OTC: variants seen among roughly 807,000 people sequenced by gnomAD.
OTC encodes the protein ornithine transcarbamylase, mitochondrial.
In OTC, 3 loss-of-function variants were observed where a neutral mutation model predicts 30.3. That is an observed-to-expected ratio of 0.10 (90% CI 0.05 to 0.26). The LOEUF (loss-of-function observed/expected upper bound fraction) is 0.26. Among genes scored for constraint, OTC ranks in the 10% least tolerant of loss-of-function variants. OTC has a pLI of 1.00. For synonymous variants in OTC, 111 were observed against 99.7 expected (o/e 1.11, Z -0.67); for missense variants, 194 against 260.3 (o/e 0.75, Z 1.75).
chrX:38,359,105 G>A (rs1442393014), intron 1 of OTC, among the ~76,000 whole-genome samples: 2 of 111,862 alleles, frequency 1.8e-5, no homozygotes, highest in Non-Finnish European at 3.8e-5. Context: ...CACTATTACT[G>A]TACTTCCATT....
At chrX:38,340,138 C>T in the OTC span, among the ~76,000 whole-genome samples, 4 of 111,535 alleles carry the variant, frequency 3.6e-5, no homozygotes, top group Non-Finnish European at 1.9e-5. Context: ...AATTGTGAAA[C>T]ACTATTGTAT....
intron 1 of OTC, 114 bp from the exon 2 acceptor site, chrX:38,367,177 A>T: frequency 1.8e-6 from 1 of 568,195 alleles, no homozygotes; most frequent in Non-Finnish European, 2.7e-6. Context: ...CCTGTCTCAA[A>T]AAAAAAAAAA....
chrX:38,329,373 G>A, the OTC span, among the ~76,000 whole-genome samples: 1 of 111,744 alleles, frequency 8.9e-6, no homozygotes, highest in African/African-American at 3.3e-5. Context: ...CGTATTTGAG[G>A]AATGACTGGG....
chrX:38,403,762 A>G, intron 6 of OTC, 22 bp downstream of exon 6: 1 of 1,205,162 alleles, frequency 8.3e-7, no homozygotes, highest in Non-Finnish European at 1.1e-6. Context: ...TTTTGCCTTG[A>G]AACTAACCCC....
chrX:38,352,750 C>A lies in OTC; in HGVS notation c.54C>A (p.His18Gln), dbSNP rs2147315516. ...ACAATGCAGCTTTTAGAAATGGTCA[C>A]AACTTCATGGTTCGAAATTTTCGGT... The part of the protein sequence containing the change: ...LLNNAAFRNG[H>Q]NFMVRNFRCG... Residue 18 changes from histidine to glutamine, a missense_variant, in exon 1 of 10, where the codon CAC becomes CAA. Coordinates refer to ENST00000039007, the MANE Select transcript of OTC (RefSeq NM_000531.6). 1 of 1,207,018 alleles carries A rather than the reference C, an allele frequency of 8.3e-7. No individual in the cohort carries two copies. The highest frequency in any genetic ancestry group is 1.1e-6 in the Non-Finnish European group (1 of 891,105).
At chrX:38,408,658 G>A (rs2068527458) in intron 6 of OTC, 84 bp from the exon 7 acceptor site, 1 of 624,608 alleles carries the variant, frequency 1.6e-6, no homozygotes, top group Non-Finnish European at 2.5e-6. Flanking sequence ...AAGGAGACGC[G>A]ATATTGAAAA....
At chrX:38,418,950 T>C (rs2068582480) in intron 9 of OTC, among the ~76,000 whole-genome samples, 3 of 112,141 alleles carry the variant, frequency 2.7e-5, no homozygotes, top group Admixed American at 1.9e-4. Flanking sequence ...ATGTTTTCTT[T>C]TAGTAGTGTT....
At chrX:38,367,796 C>T (rs2068304465) in intron 2 of OTC, among the ~76,000 whole-genome samples, 1 of 110,371 alleles carries the variant, frequency 9.1e-6, no homozygotes, top group African/African-American at 3.3e-5. Context: ...TGGCTCACTG[C>T]AACTTCTGCC....
chrX:38,414,148 T>A (rs760659679), intron 9 of OTC, among the ~76,000 whole-genome samples: 1 of 111,847 alleles, frequency 8.9e-6, no homozygotes, highest in East Asian at 2.8e-4. Flanking sequence ...ACAATTGAAG[T>A]TACAAAGATA....
intron 9 of OTC, among the ~76,000 whole-genome samples, chrX:38,416,641 A>C (rs2068572229): frequency 8.9e-6 from 1 of 112,177 alleles, no homozygotes; most frequent in African/African-American, 3.2e-5. Context: ...CACCCAGTTA[A>C]ATTTGAATTT....
At chrX:38,380,366 A>T (rs1321299432) in intron 3 of OTC, among the ~76,000 whole-genome samples, 1 of 112,460 alleles carries the variant, frequency 8.9e-6, no homozygotes. Context: ...GCACATCATA[A>T]TAAGGAGGGG....
intron 4 of OTC, among the ~76,000 whole-genome samples, chrX:38,399,591 A>C (rs1180696499): frequency 1.8e-5 from 2 of 110,639 alleles, no homozygotes; most frequent in African/African-American, 6.6e-5. Context: ...TCTACTAAAA[A>C]TACAAAAATT....
At chrX:38,412,094 C>A in intron 9 of OTC, 95 bp downstream of exon 9, 1 of 868,338 alleles carries the variant, frequency 1.2e-6, no homozygotes, top group Non-Finnish European at 1.7e-6. Context: ...GTGAGATTAT[C>A]CAACTACATT....
At chrX:38,404,774 G>C (rs909783779) in intron 6 of OTC, among the ~76,000 whole-genome samples, 1 of 110,939 alleles carries the variant, frequency 9.0e-6, no homozygotes, top group Non-Finnish European at 1.9e-5. Context: ...GCCATTTACA[G>C]TGACCAACCA....
chrX:38,350,615 C>A (rs1042835752), upstream of OTC, among the ~76,000 whole-genome samples: 18 of 111,610 alleles, frequency 1.6e-4, no homozygotes, highest in African/African-American at 5.9e-4. Flanking sequence ...AGTGAAATTG[C>A]TTTTAACTTC....
At position 38,367,469 on chromosome X, in the gene OTC, C is replaced by A. The variant is rs763827802; in HGVS notation, c.216+40C>A. 3.2e-5 allele frequency: 36 copies of A among 1,136,450 alleles called. No individual in the cohort carries two copies. The South Asian group carries it at 5.8e-4, about 18-fold the overall frequency. The allele number at this position is 1,136,450 out of a possible 1,213,427, so 93.7% of individuals were successfully genotyped here. A position where few individuals can be genotyped will look rare whatever the true frequency, so the allele number is the denominator to read the frequency against. On this transcript the variant is annotated intron_variant, in intron 2 of 9. Coordinates refer to ENST00000039007, the MANE Select transcript of OTC (RefSeq NM_000531.6). ...CTTTTTACGTTCCATTACTACCAGT[C>A]CCCTTTTTTTAAAGGCAGCCTTCCC... is the stretch of plus-strand genomic sequence containing the variant.
intron 4 of OTC, among the ~76,000 whole-genome samples, chrX:38,385,693 A>T (rs1292836898): frequency 1.8e-5 from 2 of 112,179 alleles, no homozygotes; most frequent in African/African-American, 6.5e-5. Flanking sequence ...CACCTTACAG[A>T]TTGGTCCTCA....
At chrX:38,399,758 A>G (rs1245359002) in intron 4 of OTC, among the ~76,000 whole-genome samples, 2 of 111,524 alleles carry the variant, frequency 1.8e-5, no homozygotes, top group Non-Finnish European at 3.8e-5. Flanking sequence ...AAAAAAACAA[A>G]CAAACATTCT....
At chrX:38,395,235 C>G (rs1018239491) in intron 4 of OTC, 2 of 111,958 alleles carry the variant, frequency 1.8e-5, no homozygotes, top group African/African-American at 6.5e-5. Flanking sequence ...ACTCCCAAAA[C>G]TGTATTCATT....
Sources: allele counts gnomAD v4.1 joint callset (sites outside exome capture counted in the v4.1 genomes callset), GRCh38; gene constraint gnomAD v4.1.1; transcripts MANE v1.5; gene names NCBI Gene and HGNC (gene_info 2026-07-23, HGNC 2026-07-21).